The following RAB3B variants were observed in gnomAD, a reference collection of about 807,000 sequenced individuals.
RAB3B encodes ras-related protein Rab-3B.
In RAB3B, 11 loss-of-function variants were observed where a neutral mutation model predicts 20.5. The observed-to-expected ratio is 0.54, with a 90% CI of 0.34 to 0.89. The LOEUF (loss-of-function observed/expected upper bound fraction) is 0.89, where lower values mean the gene tolerates loss of function less well. Among genes scored for constraint, RAB3B ranks in the 40% least tolerant of loss-of-function variants. RAB3B has a pLI of 0.02. For missense variants in RAB3B, 225 were observed against 280.9 expected (o/e 0.80, Z 1.42); for synonymous variants, 99 against 106.3 (o/e 0.93, Z 0.42).
intron 4 of RAB3B, among the ~76,000 whole-genome samples, chr1:51,931,824 G>A (rs540323506): frequency 6.6e-6 from 1 of 152,218 alleles, no homozygotes; most frequent in Non-Finnish European, 1.5e-5. Context: ...AGCTGGATGA[G>A]GGTAGAAGAT....
chr1:51,926,734 T>C (rs930571299), intron 4 of RAB3B, among the ~76,000 whole-genome samples: 23 of 152,104 alleles, frequency 1.5e-4, no homozygotes, highest in African/African-American at 5.3e-4. Context: ...ATGAGAACAT[T>C]AGGATTTTAA....
intron 2 of RAB3B, among the ~76,000 whole-genome samples, chr1:51,970,814 G>A (rs1353516238): frequency 1.3e-5 from 2 of 151,322 alleles, no homozygotes; most frequent in Non-Finnish European, 2.9e-5. Context: ...GACCACCCTG[G>A]CTAACACGGT....
intron 2 of RAB3B, among the ~76,000 whole-genome samples, chr1:51,970,069 C>CAA (rs112681651): frequency 0.042 from 5,665 of 135,198 alleles, 136 homozygotes; most frequent in African/African-American, 0.056. Context: ...GACCCTATCT[C>CAA]AAAAAAAAAA....
At chr1:51,949,457 G>A (rs1288221211) in intron 2 of RAB3B, among the ~76,000 whole-genome samples, 2 of 152,206 alleles carry the variant, frequency 1.3e-5, no homozygotes, top group Non-Finnish European at 2.9e-5. Context: ...CAAGCTTCCA[G>A]CACAAATCCC....
intron 2 of RAB3B, among the ~76,000 whole-genome samples, chr1:51,965,633 C>G (rs918890943): frequency 7.0e-6 from 1 of 143,374 alleles, no homozygotes; most frequent in Non-Finnish European, 1.5e-5. Context: ...GGCAACAGAG[C>G]AAGGCTCCAT....
chr1:51,980,398 A>G (rs1382269035), intron 1 of RAB3B: 2 of 411,818 alleles, frequency 4.9e-6, no homozygotes, highest in Non-Finnish European at 8.9e-6. Context: ...ACTGCACTCC[A>G]GCTTGGGCAA....
chr1:51,934,441 T>C (rs1323452576), intron 3 of RAB3B, among the ~76,000 whole-genome samples: 1 of 152,138 alleles, frequency 6.6e-6, no homozygotes, highest in African/African-American at 2.4e-5. Context: ...ATGTCAGCAG[T>C]GGTTACCTTC....
intron 2 of RAB3B, among the ~76,000 whole-genome samples, chr1:51,970,957 G>A (rs1684921956): frequency 1.4e-5 from 2 of 146,518 alleles, no homozygotes; most frequent in African/African-American, 5.1e-5. Context: ...CTTCCAGTCA[G>A]CTGAGATCGT....
At chr1:51,945,096 G>A (rs1336070044) in intron 2 of RAB3B, among the ~76,000 whole-genome samples, 1 of 152,182 alleles carries the variant, frequency 6.6e-6, no homozygotes, top group Non-Finnish European at 1.5e-5. Context: ...GAACATCAAG[G>A]CAAGACCCTC....
intron 1 of RAB3B, among the ~76,000 whole-genome samples, chr1:51,985,686 T>C (rs919610201): frequency 1.1e-4 from 17 of 152,120 alleles, no homozygotes; most frequent in Non-Finnish European, 1.5e-4. Context: ...TATAAGTATG[T>C]TTCATACACT....
At chr1:51,940,239 T>C (rs998676931) in intron 2 of RAB3B, among the ~76,000 whole-genome samples, 2 of 152,032 alleles carry the variant, frequency 1.3e-5, no homozygotes, top group African/African-American at 4.8e-5. Context: ...GAAACCTCAA[T>C]AGAGTTGTGA....
intron 2 of RAB3B, among the ~76,000 whole-genome samples, chr1:51,963,602 G>C (rs772081439): frequency 6.6e-6 from 1 of 152,112 alleles, no homozygotes; most frequent in African/African-American, 2.4e-5. Flanking sequence ...CATTTCCACA[G>C]TCTATTCACT....
chr1:51,919,808 G>C lies in RAB3B; in HGVS notation c.*119C>G. On this transcript the variant is annotated 3_prime_UTR_variant, in exon 5 of 5. Transcript: ENST00000371655. ...GCAAAGAATAGCAGCAACTCATCTT[G>C]CTCTGAGTGTGGGCAGTGTGTAACA... is the stretch of plus-strand genomic sequence containing the variant. The C allele has an allele frequency of 9.7e-7, 1 of 1,035,056 alleles. No homozygotes were observed. Among genetic ancestry groups the C allele is most frequent in the Non-Finnish European group, 1.4e-6 (1 of 724,786 alleles). The allele number at this position is 1,035,056 out of a possible 1,614,324, so 64.1% of individuals were successfully genotyped here.
chr1:51,971,360 C>A (rs1684931487), intron 2 of RAB3B, among the ~76,000 whole-genome samples: 1 of 152,030 alleles, frequency 6.6e-6, no homozygotes, highest in African/African-American at 2.4e-5. Context: ...AGTTCCAAGA[C>A]CCTCAGTGGA....
At chr1:51,934,375 T>C (rs998239008) in intron 3 of RAB3B, among the ~76,000 whole-genome samples, 3 of 152,152 alleles carry the variant, frequency 2.0e-5, no homozygotes, top group Admixed American at 1.3e-4. Flanking sequence ...CCTCCTCCTA[T>C]GTGATTCATA....
chr1:51,960,202 A>C (rs1684767126), intron 2 of RAB3B, among the ~76,000 whole-genome samples: 1 of 152,244 alleles, frequency 6.6e-6, no homozygotes, highest in Admixed American at 6.5e-5. Flanking sequence ...ATGTTTATGG[A>C]ACAGAACTGA....
chr1:51,947,386 C>A (rs1321043960), intron 2 of RAB3B, among the ~76,000 whole-genome samples: 1 of 96,394 alleles, frequency 1.0e-5, no homozygotes, highest in Non-Finnish European at 2.3e-5. Context: ...CAGAGTGGGA[C>A]CTTGCCTCAA....
In RAB3B at chr1:51,913,471, C is replaced by T. The variant is rs1384463760; in HGVS notation, c.*6456G>A. On this transcript the variant is annotated 3_prime_UTR_variant, in exon 5 of 5. Coordinates refer to ENST00000371655, the MANE Select transcript of RAB3B (RefSeq NM_002867.4). ...CATAAAGAGATGGCATCTATTTCCC[C>T]CTCCCCTTTTTTTTTTTTGAGACTG... is the stretch of plus-strand genomic sequence containing the variant. 1 of 151,546 alleles carries T rather than the reference C, an allele frequency of 6.6e-6. No individual in the cohort carries two copies. Among genetic ancestry groups the T allele is most frequent in the East Asian group, 1.9e-4 (1 of 5,180 alleles). 9.4% of individuals were successfully genotyped at this position (151,546 alleles called of 1,614,324 possible).
At chr1:51,966,158 C>G (rs564642139) in intron 2 of RAB3B, among the ~76,000 whole-genome samples, 2 of 152,352 alleles carry the variant, frequency 1.3e-5, no homozygotes, top group East Asian at 3.9e-4. Flanking sequence ...AGCAATTATG[C>G]TCTTGCAAAT....
Sources: gnomAD v4.1 joint callset for allele counts (sites outside exome capture counted in the v4.1 genomes callset) on GRCh38, gnomAD v4.1.1 for gene constraint, MANE v1.5 for transcripts, NCBI Gene and HGNC (gene_info 2026-07-23, HGNC 2026-07-21) for gene names.